The following ADAMTS20 variants were observed in gnomAD, a reference collection of about 807,000 sequenced individuals.
The protein encoded by ADAMTS20 is ADAM metallopeptidase with thrombospondin type 1 motif 20, also known as A disintegrin and metalloproteinase with thrombospondin motifs 20.
ADAMTS20 carries 225 observed loss-of-function variants against 260.1 expected under a neutral mutation model. That is an observed-to-expected ratio of 0.87 (90% CI 0.78 to 0.97). ADAMTS20 has a LOEUF of 0.97. ADAMTS20 is among the 50% of genes least tolerant of loss of function. The probability of loss-of-function intolerance (pLI) is 0.00; values close to 1 mark genes in which losing one functional copy is unlikely to be tolerated. For missense variants in ADAMTS20, 2,400 were observed against 2,337.7 expected, an observed-to-expected ratio of 1.03 and a Z score of -0.55; for synonymous variants, 802 against 769.5, an observed-to-expected ratio of 1.04 and a Z score of -0.70.
chr12:43,541,084 A>G (rs1943370320), intron 2 of ADAMTS20, among the ~76,000 whole-genome samples: 1 of 152,236 alleles, frequency 6.6e-6, no homozygotes, highest in South Asian at 2.1e-4. Context: ...AGTACAAAAT[A>G]CAAACCCTTT....
chr12:43,413,088 C>T (rs1217713789), intron 28 of ADAMTS20, among the ~76,000 whole-genome samples: 1 of 152,098 alleles, frequency 6.6e-6, no homozygotes. Context: ...GGATTACAGG[C>T]ATGAGCCACC....
intron 37 of ADAMTS20, 139 bp downstream of exon 37, chr12:43,369,151 T>C (rs959674277): frequency 2.9e-5 from 14 of 478,476 alleles, no homozygotes; most frequent in African/African-American, 2.9e-4. Context: ...TCTATAACCT[T>C]TGAAACAAAG....
chr12:43,551,703 G>C lies in ADAMTS20; in HGVS notation c.91+128C>G. 1.1e-6 allele frequency: 1 copy of C among 948,626 alleles called. No individual in the cohort carries two copies. Among genetic ancestry groups the C allele is most frequent in the Non-Finnish European group, 1.6e-6 (1 of 621,744 alleles). 58.8% of individuals were successfully genotyped at this position (948,626 alleles called of 1,614,324 possible). A position where few individuals can be genotyped will look rare whatever the true frequency, so the allele number is the denominator to read the frequency against. Reference sequence around the variant, plus strand: ...CGACCTCTCCGGCTGACTGGTCCGGGAGTCCCGGGAGCTCCAGCAGGGCCA... The same window carrying C: ...CGACCTCTCCGGCTGACTGGTCCGGCAGTCCCGGGAGCTCCAGCAGGGCCA... On this transcript the variant is annotated intron_variant, in intron 1 of 38. Transcript: ENST00000389420. This position sits in a 1 kb window ranked among gnomAD's most constrained non-coding sequence, Gnocchi z 4.6.
intron 2 of ADAMTS20, among the ~76,000 whole-genome samples, chr12:43,548,548 C>A (rs779018554): frequency 7.5e-4 from 114 of 152,214 alleles, no homozygotes; most frequent in Non-Finnish European, 1.2e-3. Flanking sequence ...TTTGATGAAA[C>A]TATTAATCCA....
intron 3 of ADAMTS20, among the ~76,000 whole-genome samples, chr12:43,525,030 A>C (rs1020917333): frequency 1.2e-4 from 19 of 152,270 alleles, no homozygotes; most frequent in Middle Eastern, 3.4e-3. Context: ...AGCTCAAAGC[A>C]CTCCTGGGAG....
chr12:43,475,735 C>A (rs1354736899), intron 7 of ADAMTS20, among the ~76,000 whole-genome samples: 3 of 150,236 alleles, frequency 2.0e-5, no homozygotes, highest in African/African-American at 7.3e-5. Context: ...GAAAAACAAG[C>A]AATGGGGAAA....
chr12:43,389,044 C>A (rs898093167), intron 29 of ADAMTS20, among the ~76,000 whole-genome samples: 1 of 152,290 alleles, frequency 6.6e-6, no homozygotes, highest in Non-Finnish European at 1.5e-5. Context: ...AGAACACAAC[C>A]ATTCAGATCA....
chr12:43,507,103 G>A (rs1942855185), intron 3 of ADAMTS20, among the ~76,000 whole-genome samples: 1 of 152,106 alleles, frequency 6.6e-6, no homozygotes, highest in Non-Finnish European at 1.5e-5. Context: ...GCTTTTATGT[G>A]TTTTCACCAC....
intron 2 of ADAMTS20, among the ~76,000 whole-genome samples, chr12:43,538,414 A>T (rs1241880348): frequency 6.6e-6 from 1 of 152,222 alleles, no homozygotes; most frequent in Non-Finnish European, 1.5e-5. Flanking sequence ...TATTCTGGTT[A>T]TTAATCCTTT....
At chr12:43,428,854 T>G (rs1246420565) in intron 24 of ADAMTS20, 55 bp from the exon 25 acceptor site, 2 of 1,452,272 alleles carry the variant, frequency 1.4e-6, no homozygotes, top group African/African-American at 2.9e-5. Flanking sequence ...CTCACCCATG[T>G]CCCTTTTACA....
chr12:43,444,557 G>A (rs937597699), intron 15 of ADAMTS20, among the ~76,000 whole-genome samples: 3 of 152,018 alleles, frequency 2.0e-5, no homozygotes, highest in Admixed American at 6.6e-5. Flanking sequence ...CAAATTCAGC[G>A]ACATTGGCAC....
At chr12:43,418,544 C>G (rs1053228151) in intron 28 of ADAMTS20, among the ~76,000 whole-genome samples, 1 of 152,152 alleles carries the variant, frequency 6.6e-6, no homozygotes, top group Non-Finnish European at 1.5e-5. Flanking sequence ...TTACTGACCT[C>G]GTGATCTGCC....
rs1307026863 is a variant in ADAMTS20 at position 43,519,842 on chromosome 12, TG to T, written c.613+12193del. Among the ~76,000 whole-genome samples, 3 of 152,200 alleles carry T rather than the reference TG, an allele frequency of 2.0e-5. No individual in the cohort carries two copies. In the East Asian group the frequency reaches 5.8e-4, roughly 29 times the overall value. On this transcript the variant is annotated intron_variant, in intron 3 of 38. Coordinates refer to ENST00000389420, the MANE Select transcript of ADAMTS20 (RefSeq NM_025003.5). ...TATTTGCTGTTGTACAATCAGATTT[TG>T]AAAGTTACAACCTTAATATCACCTT... is the stretch of plus-strand genomic sequence containing the variant.
chr12:43,414,027 G>T (rs531600801), intron 28 of ADAMTS20, among the ~76,000 whole-genome samples: 97 of 152,100 alleles, frequency 6.4e-4, no homozygotes, highest in Non-Finnish European at 2.2e-4. Context: ...ATATCTATTG[G>T]TGTCTAACAC....
At chr12:43,373,179 AGTTTAAG>A (rs1940142744) in intron 36 of ADAMTS20, among the ~76,000 whole-genome samples, 1 of 152,242 alleles carries the variant, frequency 6.6e-6, no homozygotes, top group Non-Finnish European at 1.5e-5. Context: ...TTACCATGCA[AGTTTAAG>A]GAAGAAAAAG....
intron 31 of ADAMTS20, among the ~76,000 whole-genome samples, chr12:43,378,271 CA>C (rs1940273746): frequency 6.6e-6 from 1 of 152,130 alleles, no homozygotes; most frequent in Admixed American, 6.5e-5. Context: ...AAAAACTTTC[CA>C]GGTCTTGGCA....
intron 11 of ADAMTS20, among the ~76,000 whole-genome samples, chr12:43,460,988 A>ATATATATATATATATATATATATTT: frequency 3.8e-5 from 1 of 26,394 alleles, no homozygotes; most frequent in Non-Finnish European, 6.7e-5. Context: ...ATATATATAT[A>ATATATATATATATATATATATATTT]TTTTTTTTTT....
intron 28 of ADAMTS20, 64 bp downstream of exon 28, chr12:43,425,450 C>A: frequency 7.8e-7 from 1 of 1,281,806 alleles, no homozygotes. Context: ...AAACAATGAA[C>A]TCTCCCTCAC....
At chr12:43,470,289 T>C (rs1265520591) in intron 7 of ADAMTS20, among the ~76,000 whole-genome samples, 1 of 152,202 alleles carries the variant, frequency 6.6e-6, no homozygotes, top group Non-Finnish European at 1.5e-5. Flanking sequence ...AATATTTTCA[T>C]TTTTAGCACT....
Sources: allele counts gnomAD v4.1 joint callset (sites outside exome capture counted in the v4.1 genomes callset), GRCh38; gene constraint gnomAD v4.1.1; non-coding constraint Gnocchi (gnomAD v3.1); transcripts MANE v1.5; gene names NCBI Gene and HGNC (gene_info 2026-07-23, HGNC 2026-07-21).